Variants in CCNY observed in about 807,000 individuals in gnomAD.
CCNY encodes the protein cyclin-Y.
Under a neutral mutation model 42.8 loss-of-function variants are expected in CCNY, and 19 were observed. The ratio of observed to expected loss-of-function variants is 0.44; its 90% CI spans 0.31 to 0.65. The LOEUF (loss-of-function observed/expected upper bound fraction) is 0.65, where lower values mean the gene tolerates loss of function less well. Among genes scored for constraint, CCNY ranks in the 30% least tolerant of loss-of-function variants. CCNY has a pLI of 0.07. For missense variants in CCNY, 370 were observed against 437.3 expected (o/e 0.85, Z 1.37); for synonymous variants, 165 against 162.7 (o/e 1.01, Z -0.11).
At chr10:35,534,024 C>CTT (rs796729108) in intron 7 of CCNY, among the ~76,000 whole-genome samples, 75 of 143,988 alleles carry the variant, frequency 5.2e-4, no homozygotes, top group Middle Eastern at 3.7e-3. Flanking sequence ...CATTGCTTAA[C>CTT]TTTTTTTTTT....
At chr10:35,391,513 T>G (rs1018544710) in intron 1 of CCNY, among the ~76,000 whole-genome samples, 1 of 152,140 alleles carries the variant, frequency 6.6e-6, no homozygotes, top group Non-Finnish European at 1.5e-5. Flanking sequence ...TTACTGAACC[T>G]AGAAGCAAGT....
chr10:35,453,569 G>A (rs1348452631), intron 1 of CCNY, among the ~76,000 whole-genome samples: 1 of 152,286 alleles, frequency 6.6e-6, no homozygotes, highest in African/African-American at 2.4e-5. Flanking sequence ...TGTATGACAA[G>A]GTATTAATAC....
At chr10:35,482,749 G>GGTGTGTGTGTGTGTGTGT (rs56033862) in intron 1 of CCNY, among the ~76,000 whole-genome samples, 12 of 128,942 alleles carry the variant, frequency 9.3e-5, no homozygotes, top group East Asian at 7.0e-4. Flanking sequence ...GCTGGAAATA[G>GGTGTGTGTGTGTGTGTGT]GTGTGTGTGT....
At chr10:35,286,004 G>A (rs1010306013) in intron 3 of CCNY, among the ~76,000 whole-genome samples, 8 of 151,544 alleles carry the variant, frequency 5.3e-5, no homozygotes, top group African/African-American at 1.9e-4. Context: ...TGGAGATAGG[G>A]TTTCTCCATG....
intron 1 of CCNY, among the ~76,000 whole-genome samples, chr10:35,456,184 C>T (rs1839031643): frequency 6.6e-6 from 1 of 152,148 alleles, no homozygotes; most frequent in African/African-American, 2.4e-5. Flanking sequence ...GTTGTGTTCA[C>T]CATTCACCAG....
intron 3 of CCNY, among the ~76,000 whole-genome samples, chr10:35,286,887 T>C (rs1835361313): frequency 6.6e-6 from 1 of 152,032 alleles, no homozygotes; most frequent in Admixed American, 6.6e-5. Flanking sequence ...CTCGAACTCC[T>C]GGCCTCAAGT....
intron 2 of CCNY, among the ~76,000 whole-genome samples, chr10:35,483,915 A>G (rs1839728496): frequency 6.6e-6 from 1 of 152,186 alleles, no homozygotes; most frequent in East Asian, 1.9e-4. Context: ...CCCATACTGT[A>G]GGTGCAGATG....
At chr10:35,398,280 T>C (rs1837568703) in intron 1 of CCNY, among the ~76,000 whole-genome samples, 1 of 152,218 alleles carries the variant, frequency 6.6e-6, no homozygotes, top group East Asian at 1.9e-4. Flanking sequence ...CTCAGAGGAC[T>C]GATGCATTTT....
intron 2 of CCNY, among the ~76,000 whole-genome samples, chr10:35,484,185 A>C (rs546756726): frequency 6.6e-6 from 1 of 152,240 alleles, no homozygotes; most frequent in Non-Finnish European, 1.5e-5. Flanking sequence ...TGATGATATC[A>C]TGACCAGGAT....
chr10:35,376,685 G>A lies in CCNY; in HGVS notation c.154+39478G>A, dbSNP rs146304505. On this transcript the variant is annotated intron_variant, in intron 1 of 9. Transcript: ENST00000374704. ...ATTTCTGGTCCTAAGCATTTCAGAT[G>A]AGGGATGCTCAGCCTGTATTATTTA... Among the ~76,000 whole-genome samples the A allele has an allele frequency of 1.4e-4, 21 of 152,318 alleles. No homozygotes were observed. In the East Asian group the frequency reaches 4.1e-3, roughly 29 times the overall value.
chr10:35,427,162 G>A (rs572479110), intron 1 of CCNY, among the ~76,000 whole-genome samples: 2 of 152,354 alleles, frequency 1.3e-5, no homozygotes, highest in East Asian at 3.9e-4. Flanking sequence ...CATGTCAGCT[G>A]CAGCACCAGC....
intron 1 of CCNY, among the ~76,000 whole-genome samples, chr10:35,468,267 C>T (rs1329031885): frequency 6.6e-6 from 1 of 152,196 alleles, no homozygotes; most frequent in Non-Finnish European, 1.5e-5. Context: ...CGTGAGGGCT[C>T]TGCCCTCATG....
At chr10:35,338,305 T>G (rs540666694) in intron 1 of CCNY, among the ~76,000 whole-genome samples, 22 of 152,252 alleles carry the variant, frequency 1.4e-4, no homozygotes, top group Non-Finnish European at 2.6e-4. Context: ...CTTCGTGTAA[T>G]TTCTTCTAAA....
intron 1 of CCNY, among the ~76,000 whole-genome samples, chr10:35,391,887 A>G (rs1226637693): frequency 6.6e-6 from 1 of 151,638 alleles, no homozygotes; most frequent in African/African-American, 2.4e-5. Context: ...GTTTTTATCT[A>G]CCACCCTTCA....
At chr10:35,414,801 C>T (rs1460991171) in intron 1 of CCNY, among the ~76,000 whole-genome samples, 1 of 152,064 alleles carries the variant, frequency 6.6e-6, no homozygotes, top group Non-Finnish European at 1.5e-5. Context: ...AGTGGTAGCT[C>T]CAGAATTTTC....
chr10:35,525,902 G>A (rs371401288), intron 4 of CCNY, 62 bp from the exon 5 acceptor site: 3 of 1,413,822 alleles, frequency 2.1e-6, no homozygotes, highest in Non-Finnish European at 3.0e-6. Flanking sequence ...ACTGTGGCCA[G>A]GTAATGTGTA....
At chr10:35,519,885 CT>C (rs558963186) in intron 4 of CCNY, among the ~76,000 whole-genome samples, 1 of 144,302 alleles carries the variant, frequency 6.9e-6, no homozygotes, top group South Asian at 2.2e-4. Context: ...TCAAGAGATC[CT>C]CCCGCCTTAG....
chr10:35,484,992 A>T (rs1327999945), intron 2 of CCNY, among the ~76,000 whole-genome samples: 1 of 152,204 alleles, frequency 6.6e-6, no homozygotes, highest in Non-Finnish European at 1.5e-5. Context: ...TTTGCACTAG[A>T]TATCATTCCC....
At chr10:35,355,833 C>T (rs557177662) in intron 1 of CCNY, among the ~76,000 whole-genome samples, 1 of 151,924 alleles carries the variant, frequency 6.6e-6, no homozygotes, top group South Asian at 2.1e-4. Flanking sequence ...CTTTAGTTGC[C>T]CCTTATAAAT....
Sources: allele counts gnomAD v4.1 joint callset (sites outside exome capture counted in the v4.1 genomes callset), GRCh38; gene constraint gnomAD v4.1.1; transcripts MANE v1.5; gene names NCBI Gene and HGNC (gene_info 2026-07-23, HGNC 2026-07-21).